Variants in SLC35E1 observed in about 807,000 individuals in gnomAD.
SLC35E1 encodes the protein solute carrier family 35, member E1.
Under a neutral mutation model 31.0 loss-of-function variants are expected in SLC35E1, and 12 were observed. The ratio of observed to expected loss-of-function variants is 0.39; its 90% CI spans 0.25 to 0.63. SLC35E1 has a LOEUF of 0.63. Among genes scored for constraint, SLC35E1 ranks in the 20% least tolerant of loss-of-function variants. The pLI, the probability that SLC35E1 is intolerant of heterozygous loss-of-function variation, is 0.52. For missense variants in SLC35E1, 429 were observed against 572.2 expected, an observed-to-expected ratio of 0.75 and a Z score of 2.55; for synonymous variants, 257 against 264.1, an observed-to-expected ratio of 0.97 and a Z score of 0.26.
At chr19:16,559,727 CT>C (rs1399561253) in intron 4 of SLC35E1, among the ~76,000 whole-genome samples, 3 of 152,186 alleles carry the variant, frequency 2.0e-5, no homozygotes, top group African/African-American at 7.2e-5. Flanking sequence ...AGAGTCTTTA[CT>C]TTGCTCCTTG....
chr19:16,566,324 A>G (rs76915916), intron 4 of SLC35E1: 24,166 of 617,118 alleles, frequency 0.039, 575 homozygotes, highest in Non-Finnish European at 0.051. Flanking sequence ...GATCAAGCAC[A>G]CCAGAGAAGG....
chr19:16,561,109 G>C lies in SLC35E1; in HGVS notation c.756+5423C>G, dbSNP rs374713877. The stretch of plus-strand genomic sequence containing the variant: ...TGTGCCTGTAATCCCAGCTATATGG[G>C]AGGCTGGGGCAGGACAATCTCTTGA... On this transcript the variant is annotated intron_variant, in intron 4 of 5. Transcript: ENST00000595753. 6.2e-3 allele frequency among the ~76,000 whole-genome samples: 931 copies of C among 149,028 alleles called. 13 individuals are homozygous for C. The highest frequency in any genetic ancestry group is 0.021 in the African/African-American group (855 of 40,634).
intron 2 of SLC35E1, among the ~76,000 whole-genome samples, chr19:16,568,567 G>A (rs1357149298): frequency 6.6e-6 from 1 of 152,136 alleles, no homozygotes; most frequent in Non-Finnish European, 1.5e-5. Flanking sequence ...GTCTCGCTCT[G>A]TCGCCCAGGC....
rs1468439690 is a variant in SLC35E1 at position 16,560,794 on chromosome 19, G to GGAGGTTAGAGTAAGCT, written c.757-5413_757-5398dup. Among the ~76,000 whole-genome samples the GGAGGTTAGAGTAAGCT allele has an allele frequency of 3.3e-4, 49 of 148,884 alleles. 1 individual carries two copies. The highest frequency in any genetic ancestry group is 1.2e-3 in the African/African-American group (47 of 40,038). On this transcript the variant is annotated intron_variant, in intron 4 of 5. Coordinates refer to ENST00000595753, the MANE Select transcript of SLC35E1 (RefSeq NM_024881.5). The stretch of plus-strand genomic sequence containing the variant: ...GGAGAATCACTTGAACCTGGGAGGT[G>GGAGGTTAGAGTAAGCT]GAGGTTAGAGTAAGCTAAGATCGTG...
At chr19:16,560,352 A>C (rs1599318170) in intron 4 of SLC35E1, among the ~76,000 whole-genome samples, 1 of 152,014 alleles carries the variant, frequency 6.6e-6, no homozygotes, top group East Asian at 1.9e-4. Context: ...TCCTGTGATT[A>C]CACCCCCATT....
intron 4 of SLC35E1, among the ~76,000 whole-genome samples, chr19:16,559,798 G>A (rs2085895558): frequency 6.6e-6 from 1 of 152,112 alleles, no homozygotes; most frequent in Non-Finnish European, 1.5e-5. Flanking sequence ...CTGTATCATT[G>A]CACTGTTGGC....
At position 16,572,293 on chromosome 19, in the gene SLC35E1, C is replaced by A. The variant is rs1476348682; in HGVS notation, c.72G>T (p.Ala24=). The A allele has an allele frequency of 2.0e-6, 3 of 1,476,102 alleles. No individual in the cohort carries two copies. The highest frequency in any genetic ancestry group is 2.7e-6 in the Non-Finnish European group (3 of 1,110,640). The allele number at this position is 1,476,102 out of a possible 1,614,324, so 91.4% of individuals were successfully genotyped here. Residue 24 remains alanine, a synonymous_variant, in exon 1 of 6, where the codon GCG becomes GCT. Coordinates refer to ENST00000595753, the MANE Select transcript of SLC35E1 (RefSeq NM_024881.5). This position sits in a 1 kb window ranked among gnomAD's most constrained non-coding sequence, Gnocchi z 4.1. ...GPGAASSSGG[A]REGARVAALC... Reference sequence around the variant, plus strand: ...GCGCCGCCACCCGCGCGCCCTCGCGCGCCCCACCACTGCTGCTCGCTGCGC... The same window carrying A: ...GCGCCGCCACCCGCGCGCCCTCGCGAGCCCCACCACTGCTGCTCGCTGCGC...
At position 16,555,131 on chromosome 19, in the gene SLC35E1, C is replaced by A; in HGVS notation, c.1002+21G>T. The A allele has an allele frequency of 6.2e-7, 1 of 1,613,252 alleles. No individual in the cohort carries two copies. Among genetic ancestry groups the A allele is most frequent in the Non-Finnish European group, 8.5e-7 (1 of 1,179,448 alleles). On this transcript the variant is annotated intron_variant, in intron 5 of 5. Coordinates refer to ENST00000595753, the MANE Select transcript of SLC35E1 (RefSeq NM_024881.5). This position sits in a 1 kb window ranked among gnomAD's most constrained non-coding sequence, Gnocchi z 4.1. ...GTTGGGGGGCCGGCTTCCTTCCCTG[C>A]CCAGCCTCTCAGACTCTCACCTTGT... is the stretch of plus-strand genomic sequence containing the variant.
chr19:16,553,967 T>C, intron 5 of SLC35E1, 58 bp from the exon 6 acceptor site: 1 of 1,434,692 alleles, frequency 7.0e-7, no homozygotes. Context: ...AGCTCGTAAT[T>C]CAAAGTCAAT....
chr19:16,568,313 G>T, intron 2 of SLC35E1, 144 bp from the exon 3 acceptor site: 1 of 1,167,692 alleles, frequency 8.6e-7, no homozygotes, highest in Non-Finnish European at 1.2e-6. Flanking sequence ...CTGTGCCAGT[G>T]ACGCTCTGGT....
rs1443922922 is a variant in SLC35E1, at chr19:16,553,466, T to C, written c.*213A>G. 5.1e-6 allele frequency: 2 copies of C among 393,386 alleles called. No homozygotes were observed. The highest frequency in any genetic ancestry group is 9.0e-6 in the Non-Finnish European group (2 of 221,194). The allele number at this position is 393,386 out of a possible 1,614,324, so 24.4% of individuals were successfully genotyped here. On this transcript the variant is annotated 3_prime_UTR_variant, in exon 6 of 6. Transcript: ENST00000595753. ...AGAAAGAGCATGAGACACTGGTCTCTGTTTAGGTTTGCCCAGAGCTCACGG... is the reference window on the plus strand; with the variant it reads ...AGAAAGAGCATGAGACACTGGTCTCCGTTTAGGTTTGCCCAGAGCTCACGG...
intron 5 of SLC35E1, among the ~76,000 whole-genome samples, chr19:16,554,893 C>G (rs773241183): frequency 1.6e-4 from 24 of 151,802 alleles, no homozygotes; most frequent in Non-Finnish European, 3.1e-4. Context: ...GTCCTTACAC[C>G]GCACTAAACA....
In SLC35E1 at chr19:16,555,233, C is replaced by G. The variant is rs2122323945; in HGVS notation, c.921G>C (p.Leu307=). 2 of 1,614,190 alleles carry G rather than the reference C, an allele frequency of 1.2e-6. No individual in the cohort carries two copies. Among genetic ancestry groups the G allele is most frequent in the Non-Finnish European group, 1.7e-6 (2 of 1,180,042 alleles). ...TGGTGACTGGGTTGCGCAGCATGAT[C>G]AGGGACACCGTGATGACCATGATTC... ...TKRIMVITVS[L]IMLRNPVTST... is the part of the protein sequence containing the mutation. Residue 307 remains leucine, a synonymous_variant, in exon 5 of 6, where the codon CTG becomes CTC. Coordinates refer to ENST00000595753, the MANE Select transcript of SLC35E1 (RefSeq NM_024881.5). The surrounding 1 kb of genome is among the most constrained non-coding windows in gnomAD (Gnocchi z 4.1).
chr19:16,558,067 GA>G (rs1862717242), intron 4 of SLC35E1, among the ~76,000 whole-genome samples: 1 of 144,930 alleles, frequency 6.9e-6, no homozygotes, highest in African/African-American at 2.9e-5. Flanking sequence ...TTTTGAGATA[GA>G]GTTTTGCTCT....
chr19:16,566,704 CAA>C, intron 3 of SLC35E1, 47 bp from the exon 4 acceptor site: 1 of 1,575,270 alleles, frequency 6.3e-7, no homozygotes, highest in Non-Finnish European at 8.6e-7. Flanking sequence ...CTATATGTGG[CAA>C]AAAGGGCTCC....
At chr19:16,561,213 CAAAAAAAAAAAAAAAAAAAAAA>C (rs59176175) in intron 4 of SLC35E1, among the ~76,000 whole-genome samples, 1 of 24,744 alleles carries the variant, frequency 4.0e-5, no homozygotes, top group East Asian at 1.5e-3. Context: ...GACTCCATCT[CAAAAAAAAAAAAAAAAAAAAAA>C]AAAAAAAAGA....
At chr19:16,557,181 G>A (rs2085879050) in intron 4 of SLC35E1, 1 of 329,344 alleles carries the variant, frequency 3.0e-6, no homozygotes, top group East Asian at 7.9e-5. Flanking sequence ...TTGGCAGCAC[G>A]GTGCACAATT....
chr19:16,563,429 TG>T (rs1329666974), intron 4 of SLC35E1, among the ~76,000 whole-genome samples: 15 of 152,280 alleles, frequency 9.9e-5, no homozygotes, highest in African/African-American at 3.6e-4. Context: ...TGCAAAAATA[TG>T]GAACAGGTGA....
Position 16,550,961 on chromosome 19 carries a change from A to C in SLC35E1, c.*2718T>G, listed in dbSNP as rs2085842316. ...CATTGGAAAAGGAAAATAATATACA[A>C]ATTTCAGCAACTTCAGAGATTTCAG... On this transcript the variant is annotated 3_prime_UTR_variant, in exon 6 of 6. Transcript: ENST00000595753. The C allele has an allele frequency of 6.6e-6, 1 of 152,182 alleles. No homozygotes were observed. The highest frequency in any genetic ancestry group is 2.1e-4 in the South Asian group (1 of 4,836). The allele number at this position is 152,182 out of a possible 1,614,324, so 9.4% of individuals were successfully genotyped here.
Sources: allele counts gnomAD v4.1 joint callset (sites outside exome capture counted in the v4.1 genomes callset), GRCh38; gene constraint gnomAD v4.1.1; non-coding constraint Gnocchi (gnomAD v3.1); transcripts MANE v1.5; gene names NCBI Gene and HGNC (gene_info 2026-07-23, HGNC 2026-07-21).